ZPLD1: variants seen among roughly 807,000 people sequenced by gnomAD.
ZPLD1 encodes zona pellucida-like domain-containing protein 1.
ZPLD1 carries 34 observed loss-of-function variants against 47.2 expected under a neutral mutation model. The observed-to-expected ratio is 0.72, with a 90% CI of 0.55 to 0.96. The LOEUF is 0.96. Ranked by LOEUF, ZPLD1 falls within the 40% of genes least tolerant of loss-of-function variation. The pLI is 0.00. For missense variants in ZPLD1, 512 were observed against 505.8 expected (o/e 1.01, Z -0.12); for synonymous variants, 176 against 186.2 (o/e 0.95, Z 0.45).
chr3:102,399,197 T>C (rs1706591374), intron 7 of ZPLD1, among the ~76,000 whole-genome samples: 1 of 152,152 alleles, frequency 6.6e-6, no homozygotes, highest in Admixed American at 6.5e-5. Context: ...TACTTCATGT[T>C]CATACAGAGG....
intron 7 of ZPLD1, among the ~76,000 whole-genome samples, chr3:102,462,757 A>C (rs773737892): frequency 6.6e-5 from 10 of 152,158 alleles, no homozygotes; most frequent in Non-Finnish European, 1.0e-4. Flanking sequence ...GAATTTATTA[A>C]AGAATGAAAG....
At chr3:102,422,962 T>C (rs1203061641) in intron 8 of ZPLD1, among the ~76,000 whole-genome samples, 1 of 152,048 alleles carries the variant, frequency 6.6e-6, no homozygotes, top group Non-Finnish European at 1.5e-5. Context: ...AATGTCATGG[T>C]TATTTAAGAA....
At chr3:102,434,984 A>T (rs1477427067), upstream of ZPLD1, 4 of 973,738 alleles carry the variant, frequency 4.1e-6, no homozygotes, top group African/African-American at 6.5e-5. Flanking sequence ...AGGGAGCCTG[A>T]GCAGCCAGGA....
intron 1 of ZPLD1, 36 bp from the exon 2 acceptor site, chr3:102,436,824 T>C: frequency 2.2e-6 from 2 of 924,046 alleles, no homozygotes; most frequent in South Asian, 1.0e-4. Flanking sequence ...ACAAAATAAC[T>C]CACCAACTTA....
intron 3 of ZPLD1, among the ~76,000 whole-genome samples, chr3:102,439,835 T>G (rs1414193130): frequency 5.3e-5 from 8 of 152,240 alleles, no homozygotes; most frequent in Non-Finnish European, 1.0e-4. Flanking sequence ...CTTAATATCA[T>G]TAAATGCAGC....
At chr3:102,412,245 G>T (rs1706754124) in intron 7 of ZPLD1, among the ~76,000 whole-genome samples, 1 of 151,748 alleles carries the variant, frequency 6.6e-6, no homozygotes, top group Non-Finnish European at 1.5e-5. Context: ...ACAAACAGCT[G>T]GGCATTATAG....
intron 7 of ZPLD1, among the ~76,000 whole-genome samples, chr3:102,398,357 G>A (rs1706580338): frequency 6.6e-6 from 1 of 152,062 alleles, no homozygotes; most frequent in East Asian, 1.9e-4. Flanking sequence ...CTTAGATCAG[G>A]AAGTGTGAGT....
chr3:102,417,814 G>T (rs1706826789), intron 7 of ZPLD1, among the ~76,000 whole-genome samples: 1 of 151,518 alleles, frequency 6.6e-6, no homozygotes, highest in Non-Finnish European at 1.5e-5. Context: ...TCAGGCTGAT[G>T]ATAGCTCACT....
At chr3:102,417,277 A>G (rs1198043303) in intron 7 of ZPLD1, among the ~76,000 whole-genome samples, 1 of 152,028 alleles carries the variant, frequency 6.6e-6, no homozygotes, top group Non-Finnish European at 1.5e-5. Context: ...CCACACAGTT[A>G]TCCCTAAGCA....
Position 102,457,854 on chromosome 3 carries a change from G to A in ZPLD1, c.582+1G>A, listed in dbSNP as rs746136882. 4 of 1,613,558 alleles carry A rather than the reference G, an allele frequency of 2.5e-6. No individual in the cohort carries two copies. Among genetic ancestry groups the A allele is most frequent in the South Asian group, 1.1e-5 (1 of 91,070 alleles). On this transcript the variant is annotated splice_donor_variant, in intron 6 of 11. Coordinates refer to ENST00000466937, the MANE Select transcript of ZPLD1 (RefSeq NM_001329788.2). LOFTEE classifies it high-confidence loss of function. ...CACTTTGAACCTGCTCCTTTATAAC[G>A]TAAGTTGATGGGTGAAGGATGTTAT...
chr3:102,456,024 ACTTAT>A (rs1707407704), intron 4 of ZPLD1, among the ~76,000 whole-genome samples, 164 bp from the exon 5 acceptor site: 1 of 152,188 alleles, frequency 6.6e-6, no homozygotes, highest in African/African-American at 2.4e-5. Context: ...CTTACATGTC[ACTTAT>A]AAATTGCATT....
chr3:102,472,990 A>C (rs1707707608), intron 10 of ZPLD1, among the ~76,000 whole-genome samples: 1 of 152,228 alleles, frequency 6.6e-6, no homozygotes, highest in Non-Finnish European at 1.5e-5. Flanking sequence ...CAGAAGGCAA[A>C]GGAAGAGCAA....
At chr3:102,427,766 G>T (rs1706965278) in intron 8 of ZPLD1, among the ~76,000 whole-genome samples, 1 of 152,104 alleles carries the variant, frequency 6.6e-6, no homozygotes, top group African/African-American at 2.4e-5. Context: ...CTACTATGTG[G>T]CATAAATGAC....
At chr3:102,405,657 T>C (rs932471325) in intron 7 of ZPLD1, among the ~76,000 whole-genome samples, 2 of 152,084 alleles carry the variant, frequency 1.3e-5, no homozygotes, top group South Asian at 2.1e-4. Context: ...TCTAAACTTA[T>C]ACTAGCATGT....
chr3:102,452,944 T>C lies in ZPLD1; in HGVS notation c.132T>C (p.Cys44=). 1 of 1,614,132 alleles carries C rather than the reference T, an allele frequency of 6.2e-7. No homozygotes were observed. Among genetic ancestry groups the C allele is most frequent in the Non-Finnish European group, 8.5e-7 (1 of 1,179,960 alleles). ...CTGAAAGAGACATCAGTGTCTATTG[T>C]GGAGTGCAGGCTATTACGATGAAGA... ...FPAERDISVY[C]GVQAITMKIN... The change falls in exon 4 of 12, where the codon TGT becomes TGC. Residue 44 remains cysteine (C), a synonymous_variant. Transcript: ENST00000466937.
chr3:102,444,766 C>A (rs11923671), intron 3 of ZPLD1, among the ~76,000 whole-genome samples: 1,621 of 152,298 alleles, frequency 0.011, 29 homozygotes, highest in African/African-American at 0.037. Flanking sequence ...GAAAAGTTTT[C>A]TCCCACTATA....
intron 9 of ZPLD1, among the ~76,000 whole-genome samples, chr3:102,469,536 G>A (rs1707650328): frequency 6.6e-6 from 1 of 152,148 alleles, no homozygotes; most frequent in Admixed American, 6.5e-5. Context: ...CTGTTACTTC[G>A]AAGAGGACTG....
At chr3:102,393,648 TAA>T (rs80092157) in intron 7 of ZPLD1, among the ~76,000 whole-genome samples, 10 of 145,414 alleles carry the variant, frequency 6.9e-5, no homozygotes, top group South Asian at 2.2e-4. Flanking sequence ...CTTTGTAGAT[TAA>T]AAAAAAAAAA....
At chr3:102,443,623 T>C (rs1439980627) in intron 3 of ZPLD1, among the ~76,000 whole-genome samples, 1 of 152,226 alleles carries the variant, frequency 6.6e-6, no homozygotes, top group African/African-American at 2.4e-5. Context: ...TTTTATTCGG[T>C]AATATTTTTA....
Sources: allele counts gnomAD v4.1 joint callset (sites outside exome capture counted in the v4.1 genomes callset), GRCh38; gene constraint gnomAD v4.1.1; transcripts MANE v1.5; gene names NCBI Gene and HGNC (gene_info 2026-07-23, HGNC 2026-07-21).